CHPT1: variants seen among roughly 807,000 people sequenced by gnomAD.
CHPT1 encodes choline phosphotransferase 1.
A neutral mutation model predicts 47.6 loss-of-function variants in CHPT1; 36 were observed. The ratio of observed to expected loss-of-function variants is 0.76; its 90% CI spans 0.58 to 1.00. The LOEUF is 1.00. Among genes scored for constraint, CHPT1 ranks in the 50% least tolerant of loss-of-function variants. CHPT1 has a pLI of 0.00. For missense variants in CHPT1, 458 were observed against 498.1 expected, an observed-to-expected ratio of 0.92 and a Z score of 0.77; for synonymous variants, 194 against 186.3, an observed-to-expected ratio of 1.04 and a Z score of -0.33.
intron 1 of CHPT1, among the ~76,000 whole-genome samples, 160 bp downstream of exon 1, chr12:101,698,294 G>A (rs1951495864): frequency 6.6e-6 from 1 of 152,298 alleles, no homozygotes; most frequent in African/African-American, 2.4e-5. Flanking sequence ...TGGGCCGCCT[G>A]GAGACTGTCA....
At chr12:101,707,429 G>T (rs1464076217) in intron 1 of CHPT1, among the ~76,000 whole-genome samples, 1 of 152,152 alleles carries the variant, frequency 6.6e-6, no homozygotes, top group Admixed American at 6.6e-5. Flanking sequence ...TGTGCTCCTT[G>T]GTGTGCTCCT....
In CHPT1 at chr12:101,729,034, T is replaced by C. The variant is rs1952062037; in HGVS notation, c.*89T>C. ...TTGTTTAATTTTTATTTAAGTGTTA[T>C]ACCTATTTCAGCAAATAAAATATTT... On this transcript the variant is annotated 3_prime_UTR_variant, in exon 9 of 9. Coordinates refer to ENST00000229266, the MANE Select transcript of CHPT1 (RefSeq NM_020244.3). The C allele has an allele frequency of 1.2e-6, 2 of 1,610,540 alleles. No individual in the cohort carries two copies. Among genetic ancestry groups the C allele is most frequent in the Admixed American group, 1.7e-5 (1 of 59,946 alleles).
At position 101,720,165 on chromosome 12, in the gene CHPT1, G is replaced by A. The variant is rs1352918557; in HGVS notation, c.691G>A (p.Gly231Arg). Reference sequence around the variant, plus strand: ...AAAATTGAAGATCCTTCCAGTTCTTGGATTTCTAGGTGGAGTAATATTTTC... The same window carrying A: ...AAAATTGAAGATCCTTCCAGTTCTTAGATTTCTAGGTGGAGTAATATTTTC... ...EIKLKILPVL[G>R]FLGGVIFSCS... The change falls in exon 5 of 9, where the codon GGA (glycine) becomes AGA (arginine). Residue 231 changes from glycine (G) to arginine (R), a missense_variant. Gly to Arg is a moderately radical substitution (Grantham distance 125). Coordinates refer to ENST00000229266, the MANE Select transcript of CHPT1 (RefSeq NM_020244.3). 51 of 1,599,208 alleles carry A rather than the reference G, an allele frequency of 3.2e-5. No homozygotes were observed. The highest frequency in any genetic ancestry group is 4.4e-5 in the Non-Finnish European group (51 of 1,170,274).
intron 7 of CHPT1, among the ~76,000 whole-genome samples, chr12:101,724,243 C>T (rs907787417): frequency 2.0e-5 from 3 of 151,358 alleles, no homozygotes; most frequent in Admixed American, 1.3e-4. Flanking sequence ...AAGATCTAGT[C>T]TATACAATAT....
chr12:101,723,993 G>T, intron 7 of CHPT1, 146 bp downstream of exon 7: 1 of 572,826 alleles, frequency 1.7e-6, no homozygotes. Context: ...AAGGTGGACG[G>T]ATCATTTGAG....
intron 3 of CHPT1, among the ~76,000 whole-genome samples, 163 bp from the exon 4 acceptor site, chr12:101,716,560 TTTAAC>T (rs1178076168): frequency 1.1e-4 from 17 of 152,348 alleles, no homozygotes; most frequent in African/African-American, 4.1e-4. Flanking sequence ...CTGTAACTTT[TTTAAC>T]TTAACAGTGT....
In CHPT1 at chr12:101,723,709, A is replaced by G. The variant is rs765290675; in HGVS notation, c.940-13A>G. 6.9e-7 allele frequency: 1 copy of G among 1,454,432 alleles called. No homozygotes were observed. The highest frequency in any genetic ancestry group is 1.3e-5 in the South Asian group (1 of 77,434). The allele number at this position is 1,454,432 out of a possible 1,614,324, so 90.1% of individuals were successfully genotyped here. A position where few individuals can be genotyped will look rare whatever the true frequency, so the allele number is the denominator to read the frequency against. On this transcript the variant is annotated splice_polypyrimidine_tract_variant and intron_variant, in intron 6 of 8. Coordinates refer to ENST00000229266, the MANE Select transcript of CHPT1 (RefSeq NM_020244.3). ...ACTTAATAGTAAAATTATTTTGTTTAATTTTTTTATAGGTAGCTCACATGA... is the reference window on the plus strand; with the variant it reads ...ACTTAATAGTAAAATTATTTTGTTTGATTTTTTTATAGGTAGCTCACATGA...
chr12:101,728,861 T>C (rs1358274339), intron 8 of CHPT1, 40 bp from the exon 9 acceptor site: 2 of 1,606,302 alleles, frequency 1.2e-6, no homozygotes, highest in Admixed American at 3.3e-5. Context: ...ACTTACAATA[T>C]GCTTCTTAGC....
intron 1 of CHPT1, among the ~76,000 whole-genome samples, chr12:101,703,867 A>G (rs1272959444): frequency 6.6e-6 from 1 of 152,224 alleles, no homozygotes; most frequent in Non-Finnish European, 1.5e-5. Context: ...ATTCTCTTTT[A>G]AAAATCGTAG....
At chr12:101,709,688 A>AT (rs946632906) in intron 1 of CHPT1, among the ~76,000 whole-genome samples, 1 of 148,916 alleles carries the variant, frequency 6.7e-6, no homozygotes, top group African/African-American at 2.4e-5. Flanking sequence ...TTGGCAGATC[A>AT]TTGTGCCTTT....
chr12:101,714,308 T>G (rs1951733832), intron 2 of CHPT1, 71 bp downstream of exon 2: 1 of 1,384,952 alleles, frequency 7.2e-7, no homozygotes, highest in Non-Finnish European at 9.8e-7. Context: ...TTTGGTCAGT[T>G]TTTTGGATGG....
chr12:101,709,302 G>C (rs1274150187), intron 1 of CHPT1, among the ~76,000 whole-genome samples: 2 of 145,980 alleles, frequency 1.4e-5, no homozygotes, highest in African/African-American at 2.5e-5. Context: ...AGGAGGCTGA[G>C]GTGGGAGGAT....
intron 7 of CHPT1, among the ~76,000 whole-genome samples, chr12:101,725,694 G>A (rs923055350): frequency 7.3e-5 from 11 of 151,538 alleles, no homozygotes; most frequent in African/African-American, 2.7e-4. Flanking sequence ...AAATGATAGA[G>A]ATTTTCCCCT....
In CHPT1 at chr12:101,728,921, G is replaced by T. The variant is rs1594156626; in HGVS notation, c.1197G>T (p.Lys399Asn). ...CTTAGGTTCAAGTTCTTTCTTCAAA[G>T]AGTCATCAGAATAACATGGATTGAA... ...APEQVQVLSS[K>N]SHQNNMD The change falls in exon 9 of 9, where the codon AAG becomes AAT. Residue 399 changes from lysine to asparagine, a missense_variant. Coordinates refer to ENST00000229266, the MANE Select transcript of CHPT1 (RefSeq NM_020244.3). 6.2e-7 allele frequency: 1 copy of T among 1,613,452 alleles called. No homozygotes were observed. The highest frequency in any genetic ancestry group is 8.5e-7 in the Non-Finnish European group (1 of 1,179,668).
At chr12:101,728,177 G>A (rs1303144149) in intron 8 of CHPT1, 2 of 152,426 alleles carry the variant, frequency 1.3e-5, no homozygotes, top group African/African-American at 2.4e-5. Flanking sequence ...TTGAACCTGG[G>A]AGGCGGAGGT....
intron 4 of CHPT1, among the ~76,000 whole-genome samples, chr12:101,719,156 GAAAAAA>G (rs779382436): frequency 2.1e-5 from 2 of 95,074 alleles, no homozygotes; most frequent in Admixed American, 1.3e-4. Flanking sequence ...CTCGTCTCAA[GAAAAAA>G]AAAAAAAAAA....
At position 101,726,167 on chromosome 12, in the gene CHPT1, T is replaced by C; in HGVS notation, c.1066-127T>C. 4.6e-6 allele frequency: 3 copies of C among 654,516 alleles called. No homozygotes were observed. In the East Asian group the frequency reaches 8.1e-5, roughly 18 times the overall value. The allele number at this position is 654,516 out of a possible 1,614,324, so 40.5% of individuals were successfully genotyped here. ...CAAATTTGAAATGTATTAAAGTGCT[T>C]TAAAATGTAGTATTTTTGGTGAAGA... On this transcript the variant is annotated intron_variant, in intron 7 of 8. Transcript: ENST00000229266.
At chr12:101,700,692 A>G (rs1951542662) in intron 1 of CHPT1, among the ~76,000 whole-genome samples, 1 of 149,574 alleles carries the variant, frequency 6.7e-6, no homozygotes, top group African/African-American at 2.5e-5. Flanking sequence ...GTGCTTTCAC[A>G]TCCATGGTTG....
chr12:101,698,164 C>G (rs1382325167), intron 1 of CHPT1, 30 bp downstream of exon 1: 2 of 1,406,188 alleles, frequency 1.4e-6, no homozygotes, highest in Admixed American at 5.7e-5. Flanking sequence ...CGAGCCGGGC[C>G]CCAGATGCGC....
Sources: gnomAD v4.1 joint callset for allele counts (sites outside exome capture counted in the v4.1 genomes callset) on GRCh38, gnomAD v4.1.1 for gene constraint, MANE v1.5 for transcripts, NCBI Gene and HGNC (gene_info 2026-07-23, HGNC 2026-07-21) for gene names.